The following MFN1 variants were observed in gnomAD, a reference collection of about 807,000 sequenced individuals.
MFN1 encodes mitofusin-1.
MFN1 carries 65 observed loss-of-function variants against 92.4 expected under a neutral mutation model. That is an observed-to-expected ratio of 0.70 (90% CI 0.58 to 0.86). MFN1 has a LOEUF of 0.86. Ranked by LOEUF, MFN1 falls within the 40% of genes least tolerant of loss-of-function variation. The pLI is 0.00. For missense variants in MFN1, 781 were observed against 868.0 expected (o/e 0.90, Z 1.26); for synonymous variants, 297 against 300.9 (o/e 0.99, Z 0.13).
chr3:179,371,090 A>G (rs970227777), intron 9 of MFN1, among the ~76,000 whole-genome samples: 2 of 152,204 alleles, frequency 1.3e-5, no homozygotes, highest in East Asian at 1.9e-4. Context: ...ACCTTTATCA[A>G]TTTGACCTGT....
Position 179,392,593 on chromosome 3 carries a change from CTTT to C in MFN1, c.*537_*539del, listed in dbSNP as rs1388815454. On this transcript the variant is annotated 3_prime_UTR_variant, in exon 18 of 18. Transcript: ENST00000471841. ...TGAAACACTAATAAATGTGTTTTTA[CTTT>C]TTATTCCCGTTAAAACTGATGTAAA... The C allele has an allele frequency of 6.6e-6, 1 of 152,208 alleles. No individual in the cohort carries two copies. The highest frequency in any genetic ancestry group is 1.5e-5 in the Non-Finnish European group (1 of 68,038). 9.4% of individuals were successfully genotyped at this position (152,208 alleles called of 1,614,324 possible).
intron 6 of MFN1, 87 bp downstream of exon 6, chr3:179,364,492 C>A: frequency 1.9e-6 from 2 of 1,061,700 alleles, no homozygotes; most frequent in Non-Finnish European, 2.8e-6. Context: ...AAATCCATAT[C>A]GTGGATTAGA....
At chr3:179,368,145 C>G in intron 9 of MFN1, 42 bp downstream of exon 9, 1 of 1,418,954 alleles carries the variant, frequency 7.0e-7, no homozygotes, top group South Asian at 1.5e-5. Flanking sequence ...AAAACTCTTT[C>G]TTTGGTTGGA....
intron 4 of MFN1, 112 bp from the exon 5 acceptor site, chr3:179,362,246 G>A (rs1712607677): frequency 9.1e-7 from 1 of 1,102,498 alleles, no homozygotes; most frequent in Admixed American, 3.4e-5. Context: ...TTATTTCAGA[G>A]TTTTACCTTT....
At chr3:179,351,370 CTCTT>C (rs1439945240) in intron 2 of MFN1, among the ~76,000 whole-genome samples, 3 of 152,144 alleles carry the variant, frequency 2.0e-5, no homozygotes, top group African/African-American at 4.8e-5. Flanking sequence ...ACCTGTAATT[CTCTT>C]TCTTCTCTGT....
chr3:179,349,069 T>C, intron 2 of MFN1, 106 bp downstream of exon 2: 1 of 807,834 alleles, frequency 1.2e-6, no homozygotes, highest in Non-Finnish European at 1.9e-6. Flanking sequence ...TTATACTGTA[T>C]ACTATGAGAA....
chr3:179,378,888 T>C, intron 14 of MFN1, 74 bp downstream of exon 14: 1 of 1,152,050 alleles, frequency 8.7e-7, no homozygotes, highest in Non-Finnish European at 1.2e-6. Flanking sequence ...ATAATAAAAC[T>C]AGCTTTACAA....
At position 179,378,580 on chromosome 3, in the gene MFN1, T is replaced by C. The variant is rs755555769; in HGVS notation, c.1433-5T>C. The stretch of plus-strand genomic sequence containing the variant: ...TCTTAAGTGTTGTAATTTTGTTCTT[T>C]CTAGAAAATTTGAAGCCATTACTTC... On this transcript the variant is annotated splice_region_variant and splice_polypyrimidine_tract_variant and intron_variant, in intron 13 of 17. Transcript: ENST00000471841. 1.0e-5 allele frequency: 16 copies of C among 1,601,148 alleles called. No homozygotes were observed. Among genetic ancestry groups the C allele is most frequent in the Non-Finnish European group, 1.3e-5 (15 of 1,171,676 alleles).
At chr3:179,389,803 G>A (rs1382483191) in intron 16 of MFN1, among the ~76,000 whole-genome samples, 2 of 152,058 alleles carry the variant, frequency 1.3e-5, no homozygotes, top group African/African-American at 4.8e-5. Flanking sequence ...CAGCCATATA[G>A]CAGAGGTAAT....
Position 179,367,410 on chromosome 3 carries a change from G to A in MFN1, c.754-29G>A, listed in dbSNP as rs371715490. 4.2e-5 allele frequency: 65 copies of A among 1,563,776 alleles called. No individual in the cohort carries two copies. The African/African-American group carries it at 8.3e-4, about 20-fold the overall frequency. Reference sequence around the variant, plus strand: ...GTTATTATATTTGTTTAAATTATTAGAATTCTTTTAATACCGTTTTCTCTG... The same window carrying A: ...GTTATTATATTTGTTTAAATTATTAAAATTCTTTTAATACCGTTTTCTCTG... On this transcript the variant is annotated intron_variant, in intron 7 of 17. Transcript: ENST00000471841.
intron 14 of MFN1, among the ~76,000 whole-genome samples, chr3:179,382,170 C>T (rs955037850): frequency 9.2e-5 from 14 of 152,072 alleles, no homozygotes; most frequent in Admixed American, 3.3e-4. Context: ...GTGCTGCACC[C>T]ATTAACTCAT....
At chr3:179,357,072 G>A (rs748384052) in intron 3 of MFN1, among the ~76,000 whole-genome samples, 19 of 152,124 alleles carry the variant, frequency 1.2e-4, no homozygotes, top group African/African-American at 1.9e-4. Context: ...GGCTGTATTC[G>A]CATGCTGATC....
At chr3:179,391,694 A>G (rs988989254) in intron 17 of MFN1, among the ~76,000 whole-genome samples, 1 of 152,194 alleles carries the variant, frequency 6.6e-6, no homozygotes, top group South Asian at 2.1e-4. Context: ...GGATGAATCT[A>G]GTGTTTAAAG....
At chr3:179,364,092 G>A (rs1712689044) in intron 5 of MFN1, among the ~76,000 whole-genome samples, 1 of 151,904 alleles carries the variant, frequency 6.6e-6, no homozygotes, top group East Asian at 1.9e-4. Flanking sequence ...GCCATCTAAA[G>A]CATAAACATT....
chr3:179,349,419 C>G (rs911197739), intron 2 of MFN1, among the ~76,000 whole-genome samples: 13 of 152,096 alleles, frequency 8.5e-5, no homozygotes, highest in Non-Finnish European at 1.5e-4. Context: ...CTCATTCTCT[C>G]AAATGAGGCT....
intron 10 of MFN1, 107 bp from the exon 11 acceptor site, chr3:179,376,935 C>A: frequency 9.6e-7 from 1 of 1,036,628 alleles, no homozygotes; most frequent in Non-Finnish European, 1.3e-6. Flanking sequence ...TTTTTTTTTT[C>A]CTTGAGTCAT....
intron 6 of MFN1, among the ~76,000 whole-genome samples, chr3:179,364,609 A>G (rs1017175508): frequency 1.3e-5 from 2 of 152,160 alleles, no homozygotes; most frequent in Non-Finnish European, 2.9e-5. Flanking sequence ...TTTCTCTAGC[A>G]GTATAGGGCT....
intron 9 of MFN1, among the ~76,000 whole-genome samples, chr3:179,373,696 CAG>C (rs1440912628): frequency 1.3e-5 from 2 of 151,670 alleles, no homozygotes; most frequent in African/African-American, 4.8e-5. Context: ...TTTTTTGAGA[CAG>C]AGTCTCGCTC....
intron 6 of MFN1, 102 bp from the exon 7 acceptor site, chr3:179,365,016 T>A (rs1185819900): frequency 1.0e-5 from 6 of 581,198 alleles, no homozygotes; most frequent in African/African-American, 4.0e-5. Flanking sequence ...GTCAGTGGTG[T>A]TAATTACTGT....
Sources: allele counts gnomAD v4.1 joint callset (sites outside exome capture counted in the v4.1 genomes callset), GRCh38; gene constraint gnomAD v4.1.1; transcripts MANE v1.5; gene names NCBI Gene and HGNC (gene_info 2026-07-23, HGNC 2026-07-21).